The following PTPRD variants were observed in gnomAD, a reference collection of about 807,000 sequenced individuals.
The protein encoded by PTPRD is protein tyrosine phosphatase receptor type D.
Under a neutral mutation model 214.5 loss-of-function variants are expected in PTPRD, and 34 were observed. The observed-to-expected ratio is 0.16, with a 90% CI of 0.12 to 0.21. PTPRD has a LOEUF of 0.21. PTPRD is among the 10% of genes least tolerant of loss of function. PTPRD has a pLI of 1.00. For synonymous variants in PTPRD, 1,128 were observed against 845.7 expected (o/e 1.33, Z -5.79); for missense variants, 2,545 against 2,398.7 (o/e 1.06, Z -1.27).
intron 11 of PTPRD, among the ~76,000 whole-genome samples, chr9:8,845,807 C>T (rs894115256): frequency 6.6e-6 from 1 of 152,210 alleles, no homozygotes; most frequent in Non-Finnish European, 1.5e-5. Context: ...ACGGCTCTTG[C>T]TCTTGTGAGT....
intron 5 of PTPRD, among the ~76,000 whole-genome samples, chr9:9,827,879 T>C (rs1161265058): frequency 1.3e-5 from 2 of 152,122 alleles, no homozygotes; most frequent in Non-Finnish European, 2.9e-5. Context: ...AAGACAATTA[T>C]GCAGCCAAAA....
At chr9:9,737,797 C>T (rs999954031) in intron 6 of PTPRD, among the ~76,000 whole-genome samples, 79 of 152,076 alleles carry the variant, frequency 5.2e-4, no homozygotes, top group African/African-American at 1.9e-3. Context: ...TATGAACATT[C>T]CTATATGTGT....
chr9:9,999,609 A>G (rs118151312), intron 4 of PTPRD, among the ~76,000 whole-genome samples: 4,318 of 152,306 alleles, frequency 0.028, 122 homozygotes, highest in Admixed American at 0.089. Context: ...GGGAATTGTT[A>G]TAGTCACGCT....
intron 2 of PTPRD, among the ~76,000 whole-genome samples, chr9:10,342,442 T>G (rs7871892): frequency 0.43 from 64,820 of 151,906 alleles, 15,277 homozygotes; most frequent in African/African-American, 0.62. Flanking sequence ...ATATGATAAA[T>G]GTATCAACAT....
At chr9:10,179,789 T>C (rs1473326206) in intron 3 of PTPRD, among the ~76,000 whole-genome samples, 1 of 152,118 alleles carries the variant, frequency 6.6e-6, no homozygotes, top group African/African-American at 2.4e-5. Flanking sequence ...CTAGCCAGTC[T>C]GGCTAAACAG....
intron 3 of PTPRD, among the ~76,000 whole-genome samples, chr9:10,141,130 C>G (rs1474830244): frequency 6.6e-5 from 10 of 152,200 alleles, no homozygotes; most frequent in Admixed American, 2.6e-4. Context: ...ATGACAAACC[C>G]ACAGCCAATA....
At chr9:8,346,240 G>T (rs1289870955) in intron 39 of PTPRD, among the ~76,000 whole-genome samples, 1 of 151,964 alleles carries the variant, frequency 6.6e-6, no homozygotes, top group Non-Finnish European at 1.5e-5. Context: ...CCCATCAGTG[G>T]TGTGCTAGAG....
chr9:10,096,874 T>A (rs976828625), intron 3 of PTPRD, among the ~76,000 whole-genome samples: 1 of 152,076 alleles, frequency 6.6e-6, no homozygotes, highest in Non-Finnish European at 1.5e-5. Context: ...TGCTTTTAGG[T>A]CTAACACTGA....
intron 5 of PTPRD, among the ~76,000 whole-genome samples, chr9:9,816,167 A>G (rs911231721): frequency 1.3e-5 from 2 of 152,160 alleles, no homozygotes; most frequent in Non-Finnish European, 2.9e-5. Flanking sequence ...GCTGGAAAAC[A>G]AAATATTTGT....
chr9:8,427,295 G>A (rs970473774), intron 35 of PTPRD, among the ~76,000 whole-genome samples: 1 of 152,208 alleles, frequency 6.6e-6, no homozygotes, highest in Admixed American at 6.5e-5. Context: ...AGGCTTCACT[G>A]CTGATAGATC....
intron 5 of PTPRD, among the ~76,000 whole-genome samples, chr9:9,909,613 G>C (rs561305110): frequency 6.6e-6 from 1 of 151,814 alleles, no homozygotes; most frequent in Non-Finnish European, 1.5e-5. Flanking sequence ...TTTAATTGGT[G>C]TAAATATGTC....
At chr9:8,719,200 A>T (rs761780710) in intron 12 of PTPRD, among the ~76,000 whole-genome samples, 23 of 152,172 alleles carry the variant, frequency 1.5e-4, no homozygotes, top group Non-Finnish European at 3.2e-4. Context: ...CTGATAAATT[A>T]TTCATTTTTC....
chr9:9,781,785 G>C (rs1412215168), intron 5 of PTPRD, among the ~76,000 whole-genome samples: 1 of 145,932 alleles, frequency 6.9e-6, no homozygotes, highest in East Asian at 2.1e-4. Flanking sequence ...AACATTTTTT[G>C]TCTGGACTCA....
rs529760067 is a variant in PTPRD at position 9,669,197 on chromosome 9, A to C, written c.-287+65336T>G. ...ATGCTGCTATAAAGACACATGCACA[A>C]CTATGTTTATTGCAGCACTATTCAC... On this transcript the variant is annotated intron_variant, in intron 7 of 45. Coordinates refer to ENST00000381196, the MANE Select transcript of PTPRD (RefSeq NM_002839.4). Among the ~76,000 whole-genome samples the C allele has an allele frequency of 2.5e-3, 385 of 152,248 alleles. 2 individuals are homozygous for C. The highest frequency in any genetic ancestry group is 8.7e-3 in the African/African-American group (361 of 41,566).
intron 2 of PTPRD, among the ~76,000 whole-genome samples, chr9:10,583,384 C>G (rs969975479): frequency 6.6e-6 from 1 of 151,272 alleles, no homozygotes; most frequent in Admixed American, 6.6e-5. Flanking sequence ...GGATATTGGG[C>G]TCTTGAGACT....
chr9:9,456,980 C>T (rs551976894), intron 8 of PTPRD, among the ~76,000 whole-genome samples: 6 of 151,230 alleles, frequency 4.0e-5, no homozygotes, highest in Admixed American at 2.0e-4. Flanking sequence ...CTGTAACAGG[C>T]ATGACAAGTT....
intron 27 of PTPRD, among the ~76,000 whole-genome samples, chr9:8,490,308 C>G (rs1253155755): frequency 6.6e-6 from 1 of 152,130 alleles, no homozygotes. Flanking sequence ...TAAAAATTTC[C>G]TAGGACTTCA....
At chr9:10,418,508 T>C (rs955427748) in intron 2 of PTPRD, among the ~76,000 whole-genome samples, 73 of 145,972 alleles carry the variant, frequency 5.0e-4, no homozygotes, top group African/African-American at 1.8e-3. Context: ...CTTCATATCC[T>C]TCCTTCTGCT....
chr9:9,336,083 C>T (rs954774807), intron 9 of PTPRD, among the ~76,000 whole-genome samples: 3 of 152,084 alleles, frequency 2.0e-5, no homozygotes, highest in Middle Eastern at 3.4e-3. Context: ...GTTAAAGATA[C>T]GACACACACA....
Sources: gnomAD v4.1 joint callset for allele counts (sites outside exome capture counted in the v4.1 genomes callset) on GRCh38, gnomAD v4.1.1 for gene constraint, MANE v1.5 for transcripts, NCBI Gene and HGNC (gene_info 2026-07-23, HGNC 2026-07-21) for gene names.